WWP2: variants seen among roughly 807,000 people sequenced by gnomAD.
WWP2 encodes NEDD4-like E3 ubiquitin-protein ligase WWP2.
Under a neutral mutation model 121.0 loss-of-function variants are expected in WWP2, and 57 were observed. The ratio of observed to expected loss-of-function variants is 0.47; its 90% CI spans 0.38 to 0.59. WWP2 has a LOEUF of 0.59. WWP2 is among the 20% of genes least tolerant of loss of function. The pLI is 0.00. For synonymous variants in WWP2, 449 were observed against 441.3 expected, an observed-to-expected ratio of 1.02 and a Z score of -0.22; for missense variants, 962 against 1,158.9, an observed-to-expected ratio of 0.83 and a Z score of 2.47.
Position 69,939,036 on chromosome 16 carries a change from G to C in WWP2, c.2353G>C (p.Glu785Gln). 1 of 1,603,610 alleles carries C rather than the reference G, an allele frequency of 6.2e-7. No individual in the cohort carries two copies. Among genetic ancestry groups the C allele is most frequent in the Non-Finnish European group, 8.5e-7 (1 of 1,174,540 alleles). ...QIQWFWQVVK[E>Q]MDNEKRIRLL... ...ACTTGCGGACTTCCAGGTGGTGAAG[G>C]AGATGGACAACGAGAAGAGGATCCG... Residue 785 changes from glutamate (E) to glutamine (Q), a missense_variant, in exon 22 of 24, where the codon GAG (glutamate) becomes CAG (glutamine). Around this residue, in one of 3 missense-constraint regions of WWP2, gnomAD observed 606 missense variants for 772.6 expected, o/e 0.78. Transcript: ENST00000359154.
chr16:69,799,067 GT>G lies in WWP2; in HGVS notation c.219-103del. On this transcript the variant is annotated intron_variant, in intron 3 of 23. Transcript: ENST00000359154. This position sits in a 1 kb window ranked among gnomAD's most constrained non-coding sequence, Gnocchi z 4.5. ...AAAGGATATATGTGGGTGTCTGCCT[GT>G]TTTGGTTCCCCCTCCCCAAGATGTC... is the stretch of plus-strand genomic sequence containing the variant. The G allele has an allele frequency of 6.6e-7, 1 of 1,506,966 alleles. No homozygotes were observed. Among genetic ancestry groups the G allele is most frequent in the Non-Finnish European group, 8.9e-7 (1 of 1,120,196 alleles). The allele number at this position is 1,506,966 out of a possible 1,614,324, so 93.3% of individuals were successfully genotyped here.
intron 10 of WWP2, 27 bp downstream of exon 10, chr16:69,917,910 G>T (rs989531060): frequency 2.5e-6 from 4 of 1,597,294 alleles, no homozygotes; most frequent in Non-Finnish European, 2.6e-6. Context: ...TTGGCCCGAG[G>T]TGGGGCCGCC....
chr16:69,924,681 C>T (rs1453838910), intron 10 of WWP2, among the ~76,000 whole-genome samples: 4 of 150,744 alleles, frequency 2.7e-5, no homozygotes, highest in Non-Finnish European at 5.9e-5. Flanking sequence ...CTTGCTGCCC[C>T]ACCCCCAGCC....
chr16:69,810,729 C>T (rs935923189), intron 4 of WWP2, among the ~76,000 whole-genome samples: 4 of 149,222 alleles, frequency 2.7e-5, no homozygotes, highest in Non-Finnish European at 5.9e-5. Flanking sequence ...TGCGCCCAGC[C>T]TTAACATCTT....
chr16:69,929,552 G>C, intron 12 of WWP2, 23 bp downstream of exon 12: 1 of 1,608,804 alleles, frequency 6.2e-7, no homozygotes, highest in South Asian at 1.1e-5. Context: ...GCTGAGAGGG[G>C]GGCCGGGCTG....
chr16:69,844,742 T>A (rs1346812675), intron 6 of WWP2, among the ~76,000 whole-genome samples: 1 of 152,180 alleles, frequency 6.6e-6, no homozygotes, highest in African/African-American at 2.4e-5. Context: ...CAAGGTACCT[T>A]CCGATAGTGT....
Position 69,940,353 on chromosome 16 carries a change from C to A in WWP2, c.*413C>A. The stretch of plus-strand genomic sequence containing the variant: ...GGCCACTGGGGGTGGCTGTTCGGGA[C>A]TGAGAGCGCCAAGGGTCTTTGCCAG... On this transcript the variant is annotated 3_prime_UTR_variant, in exon 24 of 24. Coordinates refer to ENST00000359154, the MANE Select transcript of WWP2 (RefSeq NM_001270454.2). 1 of 177,796 alleles carries A rather than the reference C, an allele frequency of 5.6e-6. No individual in the cohort carries two copies. The highest frequency in any genetic ancestry group is 1.6e-4 in the South Asian group (1 of 6,106). 11.0% of individuals were successfully genotyped at this position (177,796 alleles called of 1,614,324 possible).
rs762461461 is a variant in WWP2, at chr16:69,917,797, TACGTGCGCA to T, written c.1096_1104del (p.Val366_Asn368del). On this transcript the variant is annotated inframe_deletion, in exon 10 of 24. Transcript: ENST00000359154. Reference sequence around the variant, plus strand: ...CACCTGGCAGCGTCCGACCGCGGAGTACGTGCGCAACTATGAGCAGTGGCAGTCGCAGCG... The same window carrying T: ...CACCTGGCAGCGTCCGACCGCGGAGTACTATGAGCAGTGGCAGTCGCAGCG... 1 of 1,614,044 alleles carries T rather than the reference TACGTGCGCA, an allele frequency of 6.2e-7. No homozygotes were observed. The highest frequency in any genetic ancestry group is 8.5e-7 in the Non-Finnish European group (1 of 1,179,890).
At chr16:69,861,446 G>A (rs2057418801) in intron 6 of WWP2, among the ~76,000 whole-genome samples, 1 of 152,162 alleles carries the variant, frequency 6.6e-6, no homozygotes, top group Non-Finnish European at 1.5e-5. Flanking sequence ...GAAATTGTTT[G>A]TCTTCCGGAA....
At chr16:69,907,866 T>C (rs1478416785) in intron 8 of WWP2, among the ~76,000 whole-genome samples, 1 of 152,216 alleles carries the variant, frequency 6.6e-6, no homozygotes, top group East Asian at 1.9e-4. Flanking sequence ...TTTAAGATAC[T>C]CTGTAAATGA....
intron 11 of WWP2, among the ~76,000 whole-genome samples, chr16:69,927,900 G>T (rs1238507264): frequency 2.0e-5 from 3 of 152,204 alleles, no homozygotes; most frequent in African/African-American, 4.8e-5. Context: ...GGGCTCGAGC[G>T]ATCCTCCTGC....
intron 21 of WWP2, among the ~76,000 whole-genome samples, chr16:69,938,203 A>G (rs899119280): frequency 2.6e-4 from 40 of 152,062 alleles, no homozygotes; most frequent in African/African-American, 9.4e-4. Flanking sequence ...CAATAGAGAC[A>G]GGGTCTTGCT....
chr16:69,797,411 T>C lies in WWP2; in HGVS notation c.71-1271T>C, dbSNP rs2056069744. Among the ~76,000 whole-genome samples the C allele has an allele frequency of 2.0e-5, 3 of 152,238 alleles. No homozygotes were observed. In the South Asian group the frequency reaches 6.2e-4, roughly 32 times the overall value. On this transcript the variant is annotated intron_variant, in intron 2 of 23. Transcript: ENST00000359154. Reference sequence around the variant, plus strand: ...AGTCTGGCTTGTAGCTCCCTGGCTATGTAGAGTGGGAGAGTGACCTTGCCT... The same window carrying C: ...AGTCTGGCTTGTAGCTCCCTGGCTACGTAGAGTGGGAGAGTGACCTTGCCT...
chr16:69,909,596 C>T (rs2058350668), intron 9 of WWP2: 1 of 985,322 alleles, frequency 1.0e-6, no homozygotes, highest in Non-Finnish European at 1.2e-6. Flanking sequence ...TTTTTCCGTA[C>T]CTCCTGGAGG....
rs368186747 is a variant in WWP2, at chr16:69,917,793, G to A, written c.1089G>A (p.Ala363=). The change falls in exon 10 of 24, where the codon GCG becomes GCA. Residue 363 remains alanine (A), a synonymous_variant. Coordinates refer to ENST00000359154, the MANE Select transcript of WWP2 (RefSeq NM_001270454.2). ...TRTTTWQRPT[A]EYVRNYEQWQ... ...CCACCACCTGGCAGCGTCCGACCGC[G>A]GAGTACGTGCGCAACTATGAGCAGT... 8.7e-6 allele frequency: 14 copies of A among 1,614,062 alleles called. No individual in the cohort carries two copies. Among genetic ancestry groups the A allele is most frequent in the Admixed American group, 1.7e-5 (1 of 60,034 alleles).
At chr16:69,820,825 TAC>T (rs34214656) in intron 4 of WWP2, among the ~76,000 whole-genome samples, 5,380 of 143,724 alleles carry the variant, frequency 0.037, 308 homozygotes, top group East Asian at 0.17. Flanking sequence ...TACATGCATA[TAC>T]ACACACACAC....
rs2058710759 is a variant in WWP2 at position 69,931,456 on chromosome 16, A to G, written c.1522-53A>G. 5.0e-6 allele frequency: 8 copies of G among 1,607,874 alleles called. No individual in the cohort carries two copies. In the South Asian group the frequency reaches 8.8e-5, roughly 18 times the overall value. The stretch of plus-strand genomic sequence containing the variant: ...AATGCCTGTTCATACAGACAGGAGA[A>G]CAGATGACCACTTGAGGCTCGATTT... On this transcript the variant is annotated intron_variant, in intron 14 of 23. Transcript: ENST00000359154.
At chr16:69,834,785 C>T (rs1034361826) in intron 4 of WWP2, among the ~76,000 whole-genome samples, 3 of 151,898 alleles carry the variant, frequency 2.0e-5, no homozygotes, top group Admixed American at 2.0e-4. Context: ...GCCTTGGCCT[C>T]TGAAAGTGCT....
At chr16:69,891,906 T>G (rs1389490345) in intron 8 of WWP2, among the ~76,000 whole-genome samples, 1 of 152,222 alleles carries the variant, frequency 6.6e-6, no homozygotes, top group Admixed American at 6.5e-5. Context: ...ATCCGTTCAG[T>G]CATCAAGCCC....
Sources: allele counts gnomAD v4.1 joint callset (sites outside exome capture counted in the v4.1 genomes callset), GRCh38; gene constraint gnomAD v4.1.1; regional missense constraint gnomAD v4.1.1; non-coding constraint Gnocchi (gnomAD v3.1); transcripts MANE v1.5; gene names NCBI Gene and HGNC (gene_info 2026-07-23, HGNC 2026-07-21).